The following DCAF10 variants were observed in gnomAD, a reference collection of about 807,000 sequenced individuals.
The protein encoded by DCAF10 is DDB1- and CUL4-associated factor 10.
In DCAF10, 19 loss-of-function variants were observed where a neutral mutation model predicts 51.9. The observed-to-expected ratio is 0.37, with a 90% CI of 0.26 to 0.54. DCAF10 has a LOEUF of 0.54. DCAF10 is among the 20% of genes least tolerant of loss of function. The pLI, the probability that DCAF10 is intolerant of heterozygous loss-of-function variation, is 0.87. For synonymous variants in DCAF10, 291 were observed against 297.1 expected, an observed-to-expected ratio of 0.98 and a Z score of 0.21; for missense variants, 510 against 730.6, an observed-to-expected ratio of 0.70 and a Z score of 3.48.
At position 37,854,780 on chromosome 9, in the gene DCAF10, G is replaced by C; in HGVS notation, c.852G>C (p.Arg284Ser). 1 of 1,613,056 alleles carries C rather than the reference G, an allele frequency of 6.2e-7. No individual in the cohort carries two copies. Among genetic ancestry groups the C allele is most frequent in the Non-Finnish European group, 8.5e-7 (1 of 1,179,370 alleles). The change falls in exon 4 of 7, where the codon AGG becomes AGC. Residue 284 changes from arginine (R) to serine (S), a missense_variant and splice_region_variant. By Grantham distance (110) the Arg-to-Ser change is moderately radical. This residue lies in a region of DCAF10 where 126 missense variants were observed against 271.5 expected (regional missense o/e 0.46). Coordinates refer to ENST00000377724, the MANE Select transcript of DCAF10 (RefSeq NM_024345.5). ...DGNVIIWDTN[R>S]YTEDGCPHKK... ...TTTGTTGGCTTGGTTTCTCCTGTAGGTATACAGAAGATGGGTGTCCACATA... is the reference window on the plus strand; with the variant it reads ...TTTGTTGGCTTGGTTTCTCCTGTAGCTATACAGAAGATGGGTGTCCACATA...
chr9:37,861,488 T>C lies in DCAF10; in HGVS notation c.1660T>C (p.Leu554=). The C allele has an allele frequency of 6.2e-7, 1 of 1,609,038 alleles. No individual in the cohort carries two copies. The highest frequency in any genetic ancestry group is 8.5e-7 in the Non-Finnish European group (1 of 1,175,664). The change falls in exon 7 of 7, where the codon TTG becomes CTG. Residue 554 remains leucine, a synonymous_variant. Coordinates refer to ENST00000377724, the MANE Select transcript of DCAF10 (RefSeq NM_024345.5). This position sits in a 1 kb window ranked among gnomAD's most constrained non-coding sequence, Gnocchi z 4.9. ...ASGCLSGRVS[L]YQPKF ...AGGGTGCCTTAGTGGACGGGTTTCTTTGTATCAGCCAAAGTTTTAGGCACA... is the reference window on the plus strand; with the variant it reads ...AGGGTGCCTTAGTGGACGGGTTTCTCTGTATCAGCCAAAGTTTTAGGCACA...
At chr9:37,850,483 G>A (rs945928366) in intron 3 of DCAF10, among the ~76,000 whole-genome samples, 2 of 151,956 alleles carry the variant, frequency 1.3e-5, no homozygotes, top group South Asian at 2.1e-4. Flanking sequence ...GCGACAATAC[G>A]AATGAGCCTG....
At chr9:37,837,969 G>A (rs911312540) in intron 2 of DCAF10, among the ~76,000 whole-genome samples, 3 of 151,610 alleles carry the variant, frequency 2.0e-5, no homozygotes, top group African/African-American at 4.9e-5. Flanking sequence ...AGGCTGCAGT[G>A]AGCCATAATC....
chr9:37,858,912 C>T (rs1348384115), intron 5 of DCAF10, among the ~76,000 whole-genome samples: 1 of 152,232 alleles, frequency 6.6e-6, no homozygotes, highest in Non-Finnish European at 1.5e-5. Flanking sequence ...CCCACTCCAT[C>T]TACACCTCAG....
At chr9:37,839,361 A>AT (rs990362755) in intron 2 of DCAF10, among the ~76,000 whole-genome samples, 1 of 151,636 alleles carries the variant, frequency 6.6e-6, no homozygotes, top group Non-Finnish European at 1.5e-5. Context: ...CGCCCAGCCG[A>AT]TTTTTTTTCA....
Position 37,829,988 on chromosome 9 carries a change from G to C in DCAF10, c.653+10587G>C, listed in dbSNP as rs1829961274. Among the ~76,000 whole-genome samples, 1 of 152,088 alleles carries C rather than the reference G, an allele frequency of 6.6e-6. No homozygotes were observed. The highest frequency in any genetic ancestry group is 1.5e-5 in the Non-Finnish European group (1 of 68,018). The stretch of plus-strand genomic sequence containing the variant: ...ACTGCATTCCAGTCTGGGTGACAGA[G>C]CAAGACCCTGTCTCTTAAAGAATAA... On this transcript the variant is annotated intron_variant, in intron 2 of 6. Transcript: ENST00000377724. This position sits in a 1 kb window ranked among gnomAD's most constrained non-coding sequence, Gnocchi z 4.2.
intron 5 of DCAF10, 141 bp from the exon 6 acceptor site, chr9:37,859,907 C>T (rs1053833479): frequency 1.3e-5 from 13 of 978,380 alleles, no homozygotes; most frequent in East Asian, 5.1e-5. Context: ...GGGAGTACCA[C>T]GCTCTTTAAC....
At chr9:37,827,681 T>C (rs1301712813) in intron 2 of DCAF10, among the ~76,000 whole-genome samples, 2 of 152,172 alleles carry the variant, frequency 1.3e-5, no homozygotes, top group Admixed American at 6.5e-5. Context: ...GCTGGTGACC[T>C]TGAGCTTCTG....
In DCAF10 at chr9:37,867,272, GATA is replaced by G. The variant is rs1831155615; in HGVS notation, c.*5769_*5771del. The G allele has an allele frequency of 6.6e-6, 1 of 152,018 alleles. No individual in the cohort carries two copies. The highest frequency in any genetic ancestry group is 6.6e-5 in the Admixed American group (1 of 15,258). 9.4% of individuals were successfully genotyped at this position (152,018 alleles called of 1,614,324 possible). A position where few individuals can be genotyped will look rare whatever the true frequency, so the allele number is the denominator to read the frequency against. On this transcript the variant is annotated 3_prime_UTR_variant, in exon 7 of 7. Coordinates refer to ENST00000377724, the MANE Select transcript of DCAF10 (RefSeq NM_024345.5). ...ACTATAAATGAAAATGTCACCCAGAGATAATAAAATAATTTTTAAAGTTTAAAT... is the reference window on the plus strand; with the variant it reads ...ACTATAAATGAAAATGTCACCCAGAGATAAAATAATTTTTAAAGTTTAAAT...
At chr9:37,853,271 GGT>G (rs1830742442) in intron 3 of DCAF10, among the ~76,000 whole-genome samples, 1 of 150,542 alleles carries the variant, frequency 6.6e-6, no homozygotes, top group South Asian at 2.1e-4. Flanking sequence ...CCCAGGCATG[GGT>G]GTGGTGGTGC....
intron 4 of DCAF10, 132 bp from the exon 5 acceptor site, chr9:37,857,109 G>A (rs1172590598): frequency 1.0e-5 from 6 of 591,342 alleles, no homozygotes; most frequent in Admixed American, 6.9e-5. Context: ...GCCTTCCTCA[G>A]TCTTATAGGC....
chr9:37,825,138 T>G (rs1407099061), intron 2 of DCAF10, among the ~76,000 whole-genome samples: 1 of 152,198 alleles, frequency 6.6e-6, no homozygotes, highest in African/African-American at 2.4e-5. Flanking sequence ...TATACACTGT[T>G]GGTGAGAGTG....
In DCAF10 at chr9:37,819,366, T is replaced by C; in HGVS notation, c.618T>C (p.Leu206=). 2 of 1,613,836 alleles carry C rather than the reference T, an allele frequency of 1.2e-6. No individual in the cohort carries two copies. Among genetic ancestry groups the C allele is most frequent in the Non-Finnish European group, 1.7e-6 (2 of 1,179,836 alleles). The change falls in exon 2 of 7, where the codon CTT becomes CTC. Residue 206 remains leucine, a synonymous_variant. Coordinates refer to ENST00000377724, the MANE Select transcript of DCAF10 (RefSeq NM_024345.5). ...DPISSKHIKT[L]SEAHEDCVNN... ...TATCTTCAAAGCACATAAAAACACT[T>C]TCTGAAGCTCATGAAGACTGTGTAA...
chr9:37,848,861 T>C (rs562371034), intron 3 of DCAF10, among the ~76,000 whole-genome samples: 1 of 151,336 alleles, frequency 6.6e-6, no homozygotes, highest in East Asian at 1.9e-4. Context: ...TAATCCCAGC[T>C]ACTCAGGAGG....
upstream of DCAF10, chr9:37,800,629 T>C: frequency 2.0e-6 from 3 of 1,536,110 alleles, no homozygotes; most frequent in South Asian, 1.2e-5. Context: ...GGTGCCCAGA[T>C]GCTCAGTCGC....
intron 4 of DCAF10, among the ~76,000 whole-genome samples, chr9:37,855,475 G>T (rs1397871221): frequency 6.6e-6 from 1 of 152,156 alleles, no homozygotes; most frequent in Non-Finnish European, 1.5e-5. Context: ...CTAAAACTCT[G>T]TCTCTTCTCC....
intron 3 of DCAF10, among the ~76,000 whole-genome samples, chr9:37,845,755 C>G (rs954765519): frequency 1.3e-5 from 2 of 152,132 alleles, no homozygotes; most frequent in Non-Finnish European, 2.9e-5. Flanking sequence ...ATTCCAGGAC[C>G]CTGTTCCAGC....
intron 4 of DCAF10, among the ~76,000 whole-genome samples, chr9:37,856,378 T>A (rs1005415851): frequency 3.3e-5 from 5 of 152,356 alleles, no homozygotes; most frequent in Middle Eastern, 6.8e-3. Context: ...TTAAACATGA[T>A]AAGCAACTCT....
At chr9:37,818,642 C>T (rs1000179746) in intron 1 of DCAF10, among the ~76,000 whole-genome samples, 1 of 152,168 alleles carries the variant, frequency 6.6e-6, no homozygotes, top group Non-Finnish European at 1.5e-5. Flanking sequence ...CTATGTTTAA[C>T]TGCTCTGATA....
Sources: allele counts gnomAD v4.1 joint callset (sites outside exome capture counted in the v4.1 genomes callset), GRCh38; gene constraint gnomAD v4.1.1; regional missense constraint gnomAD v4.1.1; non-coding constraint Gnocchi (gnomAD v3.1); transcripts MANE v1.5; gene names NCBI Gene and HGNC (gene_info 2026-07-23, HGNC 2026-07-21).